ITGAD: variants seen among roughly 807,000 people sequenced by gnomAD.
The protein encoded by ITGAD is integrin alpha-D.
ITGAD carries 105 observed loss-of-function variants against 139.0 expected under a neutral mutation model. The observed-to-expected ratio is 0.76, with a 90% CI of 0.65 to 0.89. The LOEUF (loss-of-function observed/expected upper bound fraction) is 0.89. ITGAD is among the 40% of genes least tolerant of loss of function. ITGAD has a pLI of 0.00. For synonymous variants in ITGAD, 569 were observed against 598.3 expected (o/e 0.95, Z 0.71); for missense variants, 1,384 against 1,487.3 (o/e 0.93, Z 1.14).
chr16:31,423,129 C>T lies in ITGAD; in HGVS notation c.2796C>T (p.Thr932=), dbSNP rs2082039315. The T allele has an allele frequency of 6.2e-7, 1 of 1,613,966 alleles. No individual in the cohort carries two copies. The highest frequency in any genetic ancestry group is 1.1e-5 in the South Asian group (1 of 91,088). The change falls in exon 24 of 30, where the codon ACC becomes ACT. Residue 932 remains threonine (T), a synonymous_variant. Transcript: ENST00000389202. ...CTCTCTCCAGGCAGGAAGAATCCAC[C>T]AAGTACTTCAACTTTGCAACCTCCG... is the stretch of plus-strand genomic sequence containing the variant. ...YTMISRQEES[T]KYFNFATSDE... is the part of the protein sequence containing the mutation.
intron 5 of ITGAD, among the ~76,000 whole-genome samples, chr16:31,401,473 T>C (rs2081402282): frequency 1.3e-5 from 2 of 152,152 alleles, no homozygotes; most frequent in African/African-American, 4.8e-5. Flanking sequence ...TAAGGACCTC[T>C]GACCGACTGG....
chr16:31,413,205 C>T lies in ITGAD; in HGVS notation c.1955C>T (p.Thr652Ile). Residue 652 changes from threonine to isoleucine, a missense_variant, in exon 16 of 30, where the codon ACC becomes ATC. Thr to Ile is a moderately conservative substitution (Grantham distance 89). Coordinates refer to ENST00000389202, the MANE Select transcript of ITGAD (RefSeq NM_005353.3). ...AGTGCCCTGGAAGCTGGGGACGCCA[C>T]CGTCTGTCTCACCATCCAGAAAAGC... ...KPSALEAGDA[T>I]VCLTIQKSSL... 1.2e-6 allele frequency: 2 copies of T among 1,614,154 alleles called. No individual in the cohort carries two copies. Among genetic ancestry groups the T allele is most frequent in the South Asian group, 1.1e-5 (1 of 91,086 alleles).
chr16:31,424,741 G>A, intron 29 of ITGAD, 164 bp downstream of exon 29: 1 of 528,238 alleles, frequency 1.9e-6, no homozygotes, highest in Non-Finnish European at 3.3e-6. Context: ...GGGATTACAG[G>A]TGGACTGCAC....
At chr16:31,422,094 C>T (rs2142845835) in intron 23 of ITGAD, among the ~76,000 whole-genome samples, 1 of 150,822 alleles carries the variant, frequency 6.6e-6, no homozygotes, top group Admixed American at 6.6e-5. Flanking sequence ...CCACTTGCAG[C>T]TAATGTTTGT....
rs1313508344 is a variant in ITGAD at position 31,423,104 on chromosome 16, C to T, written c.2781-10C>T. 1 of 1,613,160 alleles carries T rather than the reference C, an allele frequency of 6.2e-7. No homozygotes were observed. Among genetic ancestry groups the T allele is most frequent in the Admixed American group, 1.7e-5 (1 of 60,024 alleles). On this transcript the variant is annotated splice_polypyrimidine_tract_variant and intron_variant, in intron 23 of 29. Coordinates refer to ENST00000389202, the MANE Select transcript of ITGAD (RefSeq NM_005353.3). ...CAGGGCTGTTTTTCACCCACAGGCT[C>T]TCTCTCCAGGCAGGAAGAATCCACC...
intron 5 of ITGAD, 78 bp from the exon 6 acceptor site, chr16:31,402,037 G>A (rs527761052): frequency 7.5e-5 from 114 of 1,517,978 alleles, no homozygotes; most frequent in East Asian, 9.5e-5. Context: ...AACAGCCCCC[G>A]GGCTCTGTTG....
At chr16:31,395,221 G>A (rs2081235606) in intron 2 of ITGAD, among the ~76,000 whole-genome samples, 1 of 152,188 alleles carries the variant, frequency 6.6e-6, no homozygotes, top group African/African-American at 2.4e-5. Context: ...TTGGGAGGCT[G>A]AGGCAGGAGA....
intron 18 of ITGAD, among the ~76,000 whole-genome samples, chr16:31,415,246 C>T (rs1381018870): frequency 6.6e-6 from 1 of 152,086 alleles, no homozygotes; most frequent in African/African-American, 2.4e-5. Context: ...CCAGAGTTGA[C>T]ACGAAATGGT....
At chr16:31,418,758 C>T (rs554548126) in intron 23 of ITGAD, among the ~76,000 whole-genome samples, 194 bp downstream of exon 23, 5 of 152,324 alleles carry the variant, frequency 3.3e-5, no homozygotes, top group African/African-American at 7.2e-5. Flanking sequence ...CGGTACCTCG[C>T]GCCTGTAACC....
At chr16:31,406,658 GGC>G (rs1567332711) in intron 7 of ITGAD, among the ~76,000 whole-genome samples, 1 of 152,168 alleles carries the variant, frequency 6.6e-6, no homozygotes. Flanking sequence ...CCTCCAATAA[GGC>G]AGCTGGACTT....
chr16:31,420,897 TA>T (rs1467608304), intron 23 of ITGAD, among the ~76,000 whole-genome samples: 1 of 151,968 alleles, frequency 6.6e-6, no homozygotes, highest in Admixed American at 6.6e-5. Context: ...TCTGATGTAT[TA>T]AGTTGTTAGG....
At chr16:31,405,769 G>A (rs1168366036) in intron 7 of ITGAD, among the ~76,000 whole-genome samples, 1 of 151,148 alleles carries the variant, frequency 6.6e-6, no homozygotes, top group Non-Finnish European at 1.5e-5. Context: ...AGCCTCCCGA[G>A]TTGGGATCAC....
At chr16:31,394,459 C>T in intron 2 of ITGAD, 118 bp downstream of exon 2, 1 of 640,284 alleles carries the variant, frequency 1.6e-6, no homozygotes, top group Non-Finnish European at 2.7e-6. Flanking sequence ...GAGAAGTCTT[C>T]CCTTGGCTCC....
intron 5 of ITGAD, 91 bp downstream of exon 5, chr16:31,398,000 C>T: frequency 2.1e-6 from 2 of 965,106 alleles, no homozygotes; most frequent in Non-Finnish European, 3.1e-6. Context: ...CCCCTGTGCC[C>T]TCCCTGGAGG....
intron 20 of ITGAD, among the ~76,000 whole-genome samples, chr16:31,417,008 CCCCT>C (rs1362551105): frequency 3.3e-5 from 3 of 91,370 alleles, no homozygotes; most frequent in African/African-American, 8.5e-5. Flanking sequence ...CCCTCCCTCC[CCCCT>C]CCCTCCCTCC....
In ITGAD at chr16:31,403,653, AC is replaced by A. The variant is rs2081464263; in HGVS notation, c.704+12del. The A allele has an allele frequency of 6.2e-7, 1 of 1,613,810 alleles. No homozygotes were observed. The stretch of plus-strand genomic sequence containing the variant: ...GGGCATCCTGACAGTGGTGTAAGCA[AC>A]CCCGACCCCAGCCTGGCGATGTGAC... On this transcript the variant is annotated intron_variant, in intron 7 of 29. Transcript: ENST00000389202. The surrounding 1 kb of genome is among the most constrained non-coding windows in gnomAD (Gnocchi z 4.4).
rs984625842 is a variant in ITGAD at position 31,397,489 on chromosome 16, C to T, written c.241+27C>T. 3 of 1,579,056 alleles carry T rather than the reference C, an allele frequency of 1.9e-6. No individual in the cohort carries two copies. The East Asian group carries it at 6.9e-5, about 36-fold the overall frequency. ...TGAGTGACCACCTGGGAATTGGGCC[C>T]CTCAACCCTCCTGGACCCAACTGTG... On this transcript the variant is annotated intron_variant, in intron 3 of 29. Transcript: ENST00000389202.
chr16:31,399,627 C>T (rs2454909), intron 5 of ITGAD, among the ~76,000 whole-genome samples: 16,814 of 152,108 alleles, frequency 0.11, 1,097 homozygotes, highest in South Asian at 0.16. Flanking sequence ...TCTGTGAAGC[C>T]AGGTTAGGGA....
intron 16 of ITGAD, 43 bp from the exon 17 acceptor site, chr16:31,414,408 G>C (rs1226521906): frequency 8.7e-6 from 14 of 1,600,024 alleles, no homozygotes; most frequent in African/African-American, 2.7e-5. Flanking sequence ...AGCATTCTAG[G>C]TTATTTCTGC....
Sources: allele counts gnomAD v4.1 joint callset (sites outside exome capture counted in the v4.1 genomes callset), GRCh38; gene constraint gnomAD v4.1.1; non-coding constraint Gnocchi (gnomAD v3.1); transcripts MANE v1.5; gene names NCBI Gene and HGNC (gene_info 2026-07-23, HGNC 2026-07-21).